SNX7: variants seen among roughly 807,000 people sequenced by gnomAD.
SNX7 encodes sorting nexin 7, also known as sorting nexin-7.
In SNX7, 35 loss-of-function variants were observed where a neutral mutation model predicts 48.4. The observed-to-expected ratio is 0.72, with a 90% CI of 0.55 to 0.96. The LOEUF is 0.96. SNX7 is among the 40% of genes least tolerant of loss of function. The pLI, the probability that SNX7 is intolerant of heterozygous loss-of-function variation, is 0.00. For missense variants in SNX7, 553 were observed against 548.9 expected, an observed-to-expected ratio of 1.01 and a Z score of -0.07; for synonymous variants, 190 against 190.2, an observed-to-expected ratio of 1.00 and a Z score of 0.01.
At chr1:98,699,900 C>T (rs1183023230) in intron 6 of SNX7, among the ~76,000 whole-genome samples, 3 of 152,098 alleles carry the variant, frequency 2.0e-5, no homozygotes, top group African/African-American at 4.8e-5. Context: ...CAAAAGCCTT[C>T]GATGTTTCAC....
At chr1:98,681,978 T>G (rs1422554436) in intron 1 of SNX7, among the ~76,000 whole-genome samples, 1 of 152,000 alleles carries the variant, frequency 6.6e-6, no homozygotes, top group Non-Finnish European at 1.5e-5. Flanking sequence ...CTCTTTTGCT[T>G]TCTCTCTCCT....
At chr1:98,682,980 G>T (rs1650583067) in intron 1 of SNX7, among the ~76,000 whole-genome samples, 1 of 152,014 alleles carries the variant, frequency 6.6e-6, no homozygotes, top group South Asian at 2.1e-4. Context: ...ACTTTCTGTT[G>T]CATTTTTATA....
intron 7 of SNX7, among the ~76,000 whole-genome samples, chr1:98,734,117 G>A (rs1021192937): frequency 6.6e-6 from 1 of 152,080 alleles, no homozygotes; most frequent in Non-Finnish European, 1.5e-5. Flanking sequence ...CTGTGGTTGT[G>A]TTCATATCAT....
chr1:98,662,092 G>A lies in SNX7; in HGVS notation c.180+181G>A, dbSNP rs1570471321. The A allele has an allele frequency of 1.2e-5, 7 of 560,060 alleles. 1 individual carries two copies. The Admixed American group carries it at 2.7e-4, about 21-fold the overall frequency. 34.7% of individuals were successfully genotyped at this position (560,060 alleles called of 1,614,324 possible). Reference sequence around the variant, plus strand: ...GCCAGCTCTGGCCGCACCCGGGGCCGCGTCGCCTCGGGGCCTCAAACCGCA... The same window carrying A: ...GCCAGCTCTGGCCGCACCCGGGGCCACGTCGCCTCGGGGCCTCAAACCGCA... On this transcript the variant is annotated intron_variant, in intron 1 of 8. Transcript: ENST00000306121.
chr1:98,714,836 T>A (rs762917972), intron 7 of SNX7, among the ~76,000 whole-genome samples: 6 of 152,218 alleles, frequency 3.9e-5, no homozygotes, highest in Non-Finnish European at 8.8e-5. Flanking sequence ...AGTTTTCTTC[T>A]GTTTGCAATG....
At chr1:98,691,821 T>C in intron 4 of SNX7, 122 bp downstream of exon 4, 1 of 747,110 alleles carries the variant, frequency 1.3e-6, no homozygotes. Context: ...AGATGGAATT[T>C]TTCAGAAACA....
chr1:98,710,492 A>G (rs940468882), intron 7 of SNX7, among the ~76,000 whole-genome samples: 1 of 152,092 alleles, frequency 6.6e-6, no homozygotes, highest in Non-Finnish European at 1.5e-5. Flanking sequence ...ATGGACAAGT[A>G]AAAGGGGTAG....
intron 8 of SNX7, among the ~76,000 whole-genome samples, chr1:98,739,233 G>A (rs1199025623): frequency 6.6e-6 from 1 of 152,086 alleles, no homozygotes; most frequent in Non-Finnish European, 1.5e-5. Context: ...ATCTGATAGG[G>A]AGTAGAGCTC....
chr1:98,681,333 G>T (rs114361937), intron 1 of SNX7, among the ~76,000 whole-genome samples: 1,914 of 152,230 alleles, frequency 0.013, 50 homozygotes, highest in African/African-American at 0.044. Flanking sequence ...TTTGGGTGGG[G>T]ACACAACCAA....
chr1:98,691,082 G>C lies in SNX7; in HGVS notation c.371G>C (p.Arg124Pro). 1 of 1,602,296 alleles carries C rather than the reference G, an allele frequency of 6.2e-7. No individual in the cohort carries two copies. The highest frequency in any genetic ancestry group is 8.5e-7 in the Non-Finnish European group (1 of 1,172,826). The change falls in exon 3 of 9, where the codon CGT becomes CCT. Residue 124 changes from arginine to proline, a missense_variant. Coordinates refer to ENST00000306121, the MANE Select transcript of SNX7 (RefSeq NM_015976.5). Reference protein sequence around the residue: ...ITYRIITKTSRGEFDSSEFEV... With the variant: ...ITYRIITKTSPGEFDSSEFEV... ...TTCTCTTACTTTCTTCAGACATCTC[G>C]TGGGGAATTTGACTCCAGTGAATTT... is the stretch of plus-strand genomic sequence containing the variant.
intron 8 of SNX7, among the ~76,000 whole-genome samples, chr1:98,750,391 C>T (rs1386313136): frequency 6.6e-6 from 1 of 151,764 alleles, no homozygotes; most frequent in East Asian, 1.9e-4. Context: ...TAGTGAGCCT[C>T]AGTATCCTCA....
At chr1:98,676,649 G>C (rs1650181756) in intron 1 of SNX7, among the ~76,000 whole-genome samples, 1 of 152,086 alleles carries the variant, frequency 6.6e-6, no homozygotes, top group African/African-American at 2.4e-5. Context: ...TGCTTCAAAA[G>C]CATTTTTATT....
rs949804660 is a variant in SNX7, at chr1:98,685,186, C to T, written c.363+119C>T. 1.0e-5 allele frequency: 6 copies of T among 587,638 alleles called. 1 individual carries two copies. Among genetic ancestry groups the T allele is most frequent in the Admixed American group, 8.3e-5 (2 of 24,100 alleles). The allele number at this position is 587,638 out of a possible 1,614,324, so 36.4% of individuals were successfully genotyped here. On this transcript the variant is annotated intron_variant, in intron 2 of 8. Transcript: ENST00000306121. ...AAGATCTTAGCTGAATTGACTTTTA[C>T]TTTTTCAAACCTTTTGGCTAACACA...
chr1:98,690,508 A>G (rs940732823), intron 2 of SNX7, among the ~76,000 whole-genome samples: 4 of 152,114 alleles, frequency 2.6e-5, no homozygotes, highest in African/African-American at 7.2e-5. Flanking sequence ...TTCACATCAA[A>G]TGTCTATTAA....
chr1:98,661,880 A>C lies in SNX7; in HGVS notation c.149A>C (p.Glu50Ala). ...LLQAEVLDLD[E>A]DEDDLEVFSK... ...CAGGCGGAGGTGCTGGATCTGGACGAGGACGAGGACGACCTGGAGGTGTTC... is the reference window on the plus strand; with the variant it reads ...CAGGCGGAGGTGCTGGATCTGGACGCGGACGAGGACGACCTGGAGGTGTTC... The change falls in exon 1 of 9, where the codon GAG (glutamate) becomes GCG (alanine). Residue 50 changes from glutamate to alanine, a missense_variant. Glu to Ala is a moderately radical substitution (Grantham distance 107). Coordinates refer to ENST00000306121, the MANE Select transcript of SNX7 (RefSeq NM_015976.5). 5 of 1,246,964 alleles carry C rather than the reference A, an allele frequency of 4.0e-6. No individual in the cohort carries two copies. Among genetic ancestry groups the C allele is most frequent in the Non-Finnish European group, 5.1e-6 (5 of 987,328 alleles). 77.2% of individuals were successfully genotyped at this position (1,246,964 alleles called of 1,614,324 possible).
At chr1:98,729,424 C>G (rs1310575679) in intron 7 of SNX7, among the ~76,000 whole-genome samples, 2 of 151,018 alleles carry the variant, frequency 1.3e-5, no homozygotes, top group African/African-American at 2.4e-5. Context: ...AAGAAATAGC[C>G]AAGATCAGAG....
intron 1 of SNX7, among the ~76,000 whole-genome samples, chr1:98,663,114 A>G (rs568417370): frequency 9.2e-5 from 14 of 152,266 alleles, no homozygotes; most frequent in Middle Eastern, 3.4e-3. Context: ...ACAGTTGGCC[A>G]GTTGGTTATT....
intron 8 of SNX7, among the ~76,000 whole-genome samples, chr1:98,757,465 G>C (rs974264217): frequency 6.6e-6 from 1 of 151,782 alleles, no homozygotes; most frequent in Non-Finnish European, 1.5e-5. Context: ...CCTCTCTGTG[G>C]CCAGATTTCC....
At chr1:98,681,960 C>A (rs1650513684) in intron 1 of SNX7, among the ~76,000 whole-genome samples, 1 of 152,122 alleles carries the variant, frequency 6.6e-6, no homozygotes, top group Admixed American at 6.5e-5. Context: ...TCTCATCCCT[C>A]CTTTTCTCTC....
Sources: allele counts gnomAD v4.1 joint callset (sites outside exome capture counted in the v4.1 genomes callset), GRCh38; gene constraint gnomAD v4.1.1; transcripts MANE v1.5; gene names NCBI Gene and HGNC (gene_info 2026-07-23, HGNC 2026-07-21).